The following PDCD6 variants were observed in gnomAD, a reference collection of about 807,000 sequenced individuals.
The protein encoded by PDCD6 is programmed cell death protein 6.
A neutral mutation model predicts 28.3 loss-of-function variants in PDCD6; 12 were observed. The ratio of observed to expected loss-of-function variants is 0.42; its 90% CI spans 0.27 to 0.69. The LOEUF (loss-of-function observed/expected upper bound fraction) is 0.69, where lower values mean the gene tolerates loss of function less well. Among genes scored for constraint, PDCD6 ranks in the 30% least tolerant of loss-of-function variants. The pLI is 0.22. For synonymous variants in PDCD6, 92 were observed against 108.0 expected (o/e 0.85, Z 0.92); for missense variants, 226 against 269.9 (o/e 0.84, Z 1.14).
At chr5:273,990 G>A (rs28575233) in intron 2 of PDCD6, among the ~76,000 whole-genome samples, 35,316 of 149,202 alleles carry the variant, frequency 0.24, 6,524 homozygotes, top group African/African-American at 0.52. Flanking sequence ...AGTGCAAGAC[G>A]TGGCTACTAG....
chr5:294,270 G>T (rs1165088846), intron 2 of PDCD6, among the ~76,000 whole-genome samples: 1 of 140,518 alleles, frequency 7.1e-6, no homozygotes, highest in Non-Finnish European at 1.5e-5. Flanking sequence ...CACAAACCAT[G>T]GTCTAGAAAT....
intron 2 of PDCD6, among the ~76,000 whole-genome samples, chr5:291,061 G>T (rs1739283836): frequency 6.6e-6 from 1 of 152,124 alleles, no homozygotes; most frequent in Non-Finnish European, 1.5e-5. Context: ...ACATAACTGT[G>T]GATGCTCCCT....
chr5:281,010 C>G (rs1738530008), intron 2 of PDCD6, among the ~76,000 whole-genome samples: 1 of 152,254 alleles, frequency 6.6e-6, no homozygotes. Context: ...TTCGAATTTT[C>G]ATAAGACTTC....
intron 2 of PDCD6, among the ~76,000 whole-genome samples, chr5:285,981 C>T (rs1407805609): frequency 6.6e-6 from 1 of 151,080 alleles, no homozygotes; most frequent in East Asian, 2.0e-4. Flanking sequence ...GAGGGCCGTG[C>T]AGCTGGAGAC....
intron 2 of PDCD6, among the ~76,000 whole-genome samples, chr5:291,433 A>G (rs1447008146): frequency 6.8e-6 from 1 of 146,632 alleles, no homozygotes; most frequent in Admixed American, 6.9e-5. Flanking sequence ...TCCCGTCTCC[A>G]TTCTCTGCCT....
chr5:297,720 G>C (rs1358213317), intron 2 of PDCD6, among the ~76,000 whole-genome samples: 2 of 152,182 alleles, frequency 1.3e-5, no homozygotes, highest in Admixed American at 6.5e-5. Context: ...AGGCCTCCTG[G>C]TGAACACACA....
chr5:281,304 G>C (rs1467448505), intron 2 of PDCD6, among the ~76,000 whole-genome samples: 1 of 152,276 alleles, frequency 6.6e-6, no homozygotes, highest in Non-Finnish European at 1.5e-5. Context: ...CTGAAGACCT[G>C]GAGAGGAGCT....
At chr5:275,438 C>T (rs1262757245) in intron 2 of PDCD6, among the ~76,000 whole-genome samples, 2 of 152,188 alleles carry the variant, frequency 1.3e-5, no homozygotes, top group Non-Finnish European at 2.9e-5. Context: ...CTGTGGTGGC[C>T]GTTCTGTTTT....
chr5:314,118 G>A (rs1030711804), intron 5 of PDCD6, among the ~76,000 whole-genome samples: 16 of 152,242 alleles, frequency 1.1e-4, no homozygotes, highest in Non-Finnish European at 2.9e-5. Flanking sequence ...GGGGGAGAAG[G>A]AAGGGCCCAG....
At position 307,255 on chromosome 5, in the gene PDCD6, TCGGCG is replaced by T. The variant is rs1262591865; in HGVS notation, c.367+496_367+500del. Among the ~76,000 whole-genome samples the T allele has an allele frequency of 1.2e-5, 1 of 86,108 alleles. No homozygotes were observed. The highest frequency in any genetic ancestry group is 2.1e-5 in the Non-Finnish European group (1 of 48,210). 56.5% of individuals were successfully genotyped at this position (86,108 alleles called of 152,430 possible). ...GTGTGTGTGCTCGGCGTGTGTGTGC[TCGGCG>T]TGTGTGTGCACACGTGTGCCGTGCG... On this transcript the variant is annotated intron_variant, in intron 4 of 5. Transcript: ENST00000264933. This position sits in a 1 kb window ranked among gnomAD's most constrained non-coding sequence, Gnocchi z 6.1.
At chr5:300,682 G>T (rs1457896101) in intron 2 of PDCD6, among the ~76,000 whole-genome samples, 1 of 152,250 alleles carries the variant, frequency 6.6e-6, no homozygotes, top group African/African-American at 2.4e-5. Context: ...GTTACGGGCC[G>T]TTAGGCCTTG....
intron 1 of PDCD6, among the ~76,000 whole-genome samples, 196 bp from the exon 2 acceptor site, chr5:272,515 C>T (rs1277858642): frequency 7.0e-6 from 1 of 142,034 alleles, no homozygotes; most frequent in African/African-American, 2.9e-5. Context: ...AGATGATTGT[C>T]CTCTTAGGGG....
intron 3 of PDCD6, 23 bp from the exon 4 acceptor site, chr5:306,579 T>C: frequency 6.2e-7 from 1 of 1,609,452 alleles, no homozygotes; most frequent in South Asian, 1.1e-5. Context: ...CTTTTGCTGC[T>C]TGACCGTTCC....
Position 311,722 on chromosome 5 carries a change from C to T in PDCD6, c.477+320C>T, listed in dbSNP as rs537554800. On this transcript the variant is annotated intron_variant, in intron 5 of 5. Transcript: ENST00000264933. ...GTTTTGTTTTGTTTTGAGACCGAGT[C>T]TCGCTCTGTCACCCAGACGGGAGTG... 1.3e-3 allele frequency: 394 copies of T among 298,178 alleles called. 2 individuals are homozygous for T. The highest frequency in any genetic ancestry group is 6.8e-3 in the South Asian group (209 of 30,936). The allele number at this position is 298,178 out of a possible 1,614,324, so 18.5% of individuals were successfully genotyped here.
chr5:286,836 C>T (rs551224707), intron 2 of PDCD6, among the ~76,000 whole-genome samples: 1 of 152,216 alleles, frequency 6.6e-6, no homozygotes, highest in African/African-American at 2.4e-5. Flanking sequence ...ATGAGGGTCC[C>T]GGAGCTGGAG....
At chr5:304,428 T>C (rs1416865300) in intron 3 of PDCD6, 3 of 600,200 alleles carry the variant, frequency 5.0e-6, no homozygotes, top group Non-Finnish European at 8.0e-6. Context: ...CTTGATTCTG[T>C]TTATTTTTAA....
intron 2 of PDCD6, among the ~76,000 whole-genome samples, chr5:301,125 C>T (rs1411941981): frequency 6.6e-6 from 1 of 152,258 alleles, no homozygotes; most frequent in Admixed American, 6.5e-5. Flanking sequence ...GCAGCCTTCA[C>T]TTGAGGACTT....
At position 314,438 on chromosome 5, in the gene PDCD6, C is replaced by A. The variant is rs201011657; in HGVS notation, c.499C>A (p.Arg167Ser). The change falls in exon 6 of 6, where the codon CGT becomes AGT. Residue 167 changes from arginine (R) to serine (S), a missense_variant. Arg to Ser is a moderately radical substitution (Grantham distance 110). Transcript: ENST00000264933. ...CCAGAGGTTGACGGATATATTCAGA[C>A]GTTACGACACGGATCAGGACGGCTG... is the stretch of plus-strand genomic sequence containing the variant. ...VLQRLTDIFR[R>S]YDTDQDGWIQ... 23 of 1,613,500 alleles carry A rather than the reference C, an allele frequency of 1.4e-5. No individual in the cohort carries two copies. In the South Asian group the frequency reaches 2.5e-4, roughly 18 times the overall value.
intron 2 of PDCD6, among the ~76,000 whole-genome samples, chr5:277,423 T>C (rs987250479): frequency 3.1e-4 from 46 of 148,840 alleles, no homozygotes; most frequent in African/African-American, 1.0e-3. Context: ...TGCCTCAGCC[T>C]CCCGAGTAGC....
Sources: allele counts gnomAD v4.1 joint callset (sites outside exome capture counted in the v4.1 genomes callset), GRCh38; gene constraint gnomAD v4.1.1; non-coding constraint Gnocchi (gnomAD v3.1); transcripts MANE v1.5; gene names NCBI Gene and HGNC (gene_info 2026-07-23, HGNC 2026-07-21).